Variants in COL14A1 observed in about 807,000 individuals in gnomAD.
COL14A1 encodes the protein collagen type XIV alpha 1 chain.
In COL14A1, 136 loss-of-function variants were observed where a neutral mutation model predicts 230.3. That is an observed-to-expected ratio of 0.59 (90% confidence interval 0.51 to 0.68). The LOEUF is 0.68. Ranked by LOEUF, COL14A1 falls within the 30% of genes least tolerant of loss-of-function variation. COL14A1 has a pLI of 0.00. For synonymous variants in COL14A1, 792 were observed against 784.1 expected, an observed-to-expected ratio of 1.01 and a Z score of -0.17; for missense variants, 1,976 against 2,215.8, an observed-to-expected ratio of 0.89 and a Z score of 2.17.
intron 40 of COL14A1, among the ~76,000 whole-genome samples, chr8:120,320,057 G>A (rs933141308): frequency 2.6e-5 from 4 of 151,518 alleles, no homozygotes; most frequent in Non-Finnish European, 4.4e-5. Flanking sequence ...GGCTTTCTCA[G>A]TCCCCACCCT....
chr8:120,327,382 T>A (rs1433935999), intron 40 of COL14A1, among the ~76,000 whole-genome samples: 3 of 152,140 alleles, frequency 2.0e-5, no homozygotes, highest in African/African-American at 7.2e-5. Flanking sequence ...ACTCCAGAGC[T>A]CCCCATGGGA....
chr8:120,252,174 C>T (rs955426313), intron 22 of COL14A1, among the ~76,000 whole-genome samples: 1 of 152,018 alleles, frequency 6.6e-6, no homozygotes, highest in Non-Finnish European at 1.5e-5. Context: ...CAAATGACAT[C>T]TTTATTTTAT....
intron 5 of COL14A1, among the ~76,000 whole-genome samples, chr8:120,195,406 A>G (rs559202417): frequency 6.6e-6 from 1 of 152,300 alleles, no homozygotes; most frequent in South Asian, 2.1e-4. Flanking sequence ...ACACACACTT[A>G]ATGATCTCTA....
chr8:120,344,481 A>G (rs78483611), intron 44 of COL14A1, among the ~76,000 whole-genome samples: 7,878 of 152,330 alleles, frequency 0.052, 280 homozygotes, highest in African/African-American at 0.094. Flanking sequence ...AAACTGAAAA[A>G]GCAAATGAGG....
intron 30 of COL14A1, 61 bp from the exon 31 acceptor site, chr8:120,280,860 A>G (rs535538939): frequency 3.5e-5 from 53 of 1,494,776 alleles, no homozygotes; most frequent in Non-Finnish European, 4.8e-5. Context: ...ATTAAAATTT[A>G]AAATTCTAAA....
rs544734893 is a variant in COL14A1, at chr8:120,359,209, A to G, written c.5078-7962A>G. On this transcript the variant is annotated intron_variant, in intron 45 of 47. Transcript: ENST00000297848. ...CCCGCATGCATTAGATATTTGTCCT[A>G]ATGCTCTCCGTCCCCTTTCCCCCAA... 8.6e-5 allele frequency among the ~76,000 whole-genome samples: 13 copies of G among 151,882 alleles called. No homozygotes were observed. In the South Asian group the frequency reaches 2.7e-3, roughly 32 times the overall value.
chr8:120,131,120 T>C (rs1222131332), intron 1 of COL14A1, among the ~76,000 whole-genome samples: 1 of 152,250 alleles, frequency 6.6e-6, no homozygotes, highest in African/African-American at 2.4e-5. Context: ...AGTCCACCAT[T>C]GATGAGCATC....
intron 5 of COL14A1, among the ~76,000 whole-genome samples, chr8:120,183,281 T>C (rs969319302): frequency 4.6e-5 from 7 of 152,050 alleles, no homozygotes; most frequent in African/African-American, 1.7e-4. Flanking sequence ...CAATGAACAG[T>C]TTAGGCTTAA....
rs912044979 is a variant in COL14A1 at position 120,367,241 on chromosome 8, A to G, written c.5148A>G (p.Gly1716=). 5.6e-6 allele frequency: 9 copies of G among 1,608,960 alleles called. No homozygotes were observed. The highest frequency in any genetic ancestry group is 1.3e-5 in the African/African-American group (1 of 74,554). Residue 1716 remains glycine, a synonymous_variant, in exon 46 of 48, where the codon GGA becomes GGG. Transcript: ENST00000297848. ...VGTQGPRGPP[G]PAGPSGESRP... is the part of the protein sequence containing the mutation. ...CCCAAGGTCCAAGAGGCCCCCCTGGACCAGCAGGTAAATCTTCCTTCCTAA... is the reference window on the plus strand; with the variant it reads ...CCCAAGGTCCAAGAGGCCCCCCTGGGCCAGCAGGTAAATCTTCCTTCCTAA...
At chr8:120,370,422 A>G in intron 47 of COL14A1, 1 of 1,600,482 alleles carries the variant, frequency 6.2e-7, no homozygotes, top group Non-Finnish European at 8.5e-7. Context: ...CTGTGGATAC[A>G]GAACTGTCCT....
At chr8:120,184,717 C>A (rs1363333761) in intron 5 of COL14A1, among the ~76,000 whole-genome samples, 1 of 152,130 alleles carries the variant, frequency 6.6e-6, no homozygotes, top group African/African-American at 2.4e-5. Context: ...CTAATCCAAA[C>A]ACTGGCAGGC....
chr8:120,245,648 T>C (rs1307005615), intron 20 of COL14A1, among the ~76,000 whole-genome samples: 1 of 152,168 alleles, frequency 6.6e-6, no homozygotes, highest in Non-Finnish European at 1.5e-5. Flanking sequence ...ATGGGATTGA[T>C]CAGTGTCACC....
chr8:120,304,386 A>G (rs1231362627), intron 36 of COL14A1, among the ~76,000 whole-genome samples: 1 of 152,148 alleles, frequency 6.6e-6, no homozygotes, highest in Non-Finnish European at 1.5e-5. Context: ...GTTTAGTGCT[A>G]TGAATTTCTC....
chr8:120,289,516 C>T, intron 33 of COL14A1, 92 bp from the exon 34 acceptor site: 1 of 1,182,192 alleles, frequency 8.5e-7, no homozygotes, highest in Non-Finnish European at 1.2e-6. Context: ...TCTTCTCTTT[C>T]ATACTTTGTA....
At chr8:120,315,637 A>T in intron 39 of COL14A1, 51 bp downstream of exon 39, 1 of 1,464,854 alleles carries the variant, frequency 6.8e-7, no homozygotes, top group Non-Finnish European at 9.5e-7. Context: ...AACTTTGCCA[A>T]GGGGGAAAAA....
chr8:120,285,807 C>A lies in COL14A1; in HGVS notation c.3968-54C>A, dbSNP rs73329045. On this transcript the variant is annotated intron_variant, in intron 32 of 47. Transcript: ENST00000297848. The stretch of plus-strand genomic sequence containing the variant: ...TTGTTTTGAGTTGAATTTTAGAAAA[C>A]AAAATTCACCTACTTTAATTATTTC... 163,783 of 1,198,284 alleles carry A rather than the reference C, an allele frequency of 0.14. 11,799 individuals carry two copies. The highest frequency in any genetic ancestry group is 0.15 in the Non-Finnish European group (126,448 of 844,728). The allele number at this position is 1,198,284 out of a possible 1,614,324, so 74.2% of individuals were successfully genotyped here. A position where few individuals can be genotyped will look rare whatever the true frequency, so the allele number is the denominator to read the frequency against.
intron 24 of COL14A1, among the ~76,000 whole-genome samples, chr8:120,264,834 G>C (rs964992465): frequency 1.3e-5 from 2 of 152,066 alleles, no homozygotes; most frequent in African/African-American, 2.4e-5. Context: ...AGTTCTTTGC[G>C]CTTATTCGTT....
intron 40 of COL14A1, among the ~76,000 whole-genome samples, chr8:120,321,952 T>C (rs907543377): frequency 1.3e-5 from 2 of 152,134 alleles, no homozygotes; most frequent in Non-Finnish European, 2.9e-5. Flanking sequence ...TGCTAGATAG[T>C]ATATTGTGTG....
intron 40 of COL14A1, among the ~76,000 whole-genome samples, chr8:120,322,277 A>T (rs1485546433): frequency 6.6e-6 from 1 of 152,090 alleles, no homozygotes; most frequent in Non-Finnish European, 1.5e-5. Context: ...GCATGCTGGG[A>T]TTGATACCTC....
Sources: gnomAD v4.1 joint callset for allele counts (sites outside exome capture counted in the v4.1 genomes callset) on GRCh38, gnomAD v4.1.1 for gene constraint, MANE v1.5 for transcripts, NCBI Gene and HGNC (gene_info 2026-07-23, HGNC 2026-07-21) for gene names.